FDX1: variants seen among roughly 807,000 people sequenced by gnomAD.
FDX1 encodes adrenodoxin, mitochondrial.
A neutral mutation model predicts 14.9 loss-of-function variants in FDX1; 9 were observed. The ratio of observed to expected loss-of-function variants is 0.60; its 90% CI spans 0.36 to 1.05. The LOEUF (loss-of-function observed/expected upper bound fraction) is 1.05. Among genes scored for constraint, FDX1 ranks in the 50% least tolerant of loss-of-function variants. The probability of loss-of-function intolerance (pLI) is 0.01; values close to 1 mark genes in which losing one functional copy is unlikely to be tolerated. For synonymous variants in FDX1, 92 were observed against 99.4 expected, an observed-to-expected ratio of 0.93 and a Z score of 0.44; for missense variants, 204 against 237.2, an observed-to-expected ratio of 0.86 and a Z score of 0.92.
chr11:110,438,055 A>G (rs1946382245), intron 2 of FDX1, among the ~76,000 whole-genome samples: 1 of 152,204 alleles, frequency 6.6e-6, no homozygotes, highest in Non-Finnish European at 1.5e-5. Flanking sequence ...GACTGATTCC[A>G]TATGTTTGCT....
At position 110,446,791 on chromosome 11, in the gene FDX1, G is replaced by A. The variant is rs201392304; in HGVS notation, c.311-10127G>A. Among the ~76,000 whole-genome samples, 16 of 152,344 alleles carry A rather than the reference G, an allele frequency of 1.1e-4. No homozygotes were observed. The East Asian group carries it at 2.9e-3, about 28-fold the overall frequency. ...ACGAGGGGCTGGCCAGCCACTGGGC[G>A]CCTGGAGCTGTGCTAACCTGCTTCT... On this transcript the variant is annotated intron_variant, in intron 2 of 3. Transcript: ENST00000260270.
At chr11:110,433,426 AT>A (rs916632629) in intron 1 of FDX1, among the ~76,000 whole-genome samples, 2 of 152,072 alleles carry the variant, frequency 1.3e-5, no homozygotes, top group African/African-American at 4.8e-5. Context: ...TGAGCTGGAA[AT>A]CCCAATGTTT....
At chr11:110,436,943 C>T (rs1946373811) in intron 2 of FDX1, among the ~76,000 whole-genome samples, 1 of 152,090 alleles carries the variant, frequency 6.6e-6, no homozygotes, top group South Asian at 2.1e-4. Flanking sequence ...ACCTGAGTCA[C>T]CTCATGGAGT....
chr11:110,437,078 C>T (rs567494028), intron 2 of FDX1, among the ~76,000 whole-genome samples: 7 of 152,182 alleles, frequency 4.6e-5, no homozygotes, highest in Non-Finnish European at 1.0e-4. Flanking sequence ...TCACTGCAGC[C>T]TCGACCTCCT....
rs1376598972 is a variant in FDX1 at position 110,463,677 on chromosome 11, A to G, written c.*1209A>G. On this transcript the variant is annotated 3_prime_UTR_variant, in exon 4 of 4. Coordinates refer to ENST00000260270, the MANE Select transcript of FDX1 (RefSeq NM_004109.5). ...TCTAGTACAATGCTTGACATACAGCATTGTGTTATGCCCATTGGGGACACA... is the reference window on the plus strand; with the variant it reads ...TCTAGTACAATGCTTGACATACAGCGTTGTGTTATGCCCATTGGGGACACA... The G allele has an allele frequency of 2.0e-5, 3 of 152,176 alleles. No individual in the cohort carries two copies. The highest frequency in any genetic ancestry group is 4.4e-5 in the Non-Finnish European group (3 of 68,044). 9.4% of individuals were successfully genotyped at this position (152,176 alleles called of 1,614,324 possible).
chr11:110,452,376 C>G (rs1300110390), intron 2 of FDX1, among the ~76,000 whole-genome samples: 1 of 152,012 alleles, frequency 6.6e-6, no homozygotes, highest in Non-Finnish European at 1.5e-5. Flanking sequence ...ATGTAAAAAG[C>G]TCTCCAAACT....
intron 3 of FDX1, among the ~76,000 whole-genome samples, chr11:110,460,216 A>AT (rs45623036): frequency 2.0e-4 from 30 of 151,946 alleles, no homozygotes; most frequent in Non-Finnish European, 3.7e-4. Flanking sequence ...GATAGAGGGG[A>AT]TTTTTTTTCT....
intron 2 of FDX1, among the ~76,000 whole-genome samples, chr11:110,437,714 T>C (rs1360847662): frequency 2.0e-5 from 3 of 152,210 alleles, no homozygotes; most frequent in Non-Finnish European, 4.4e-5. Context: ...CATGTGATGC[T>C]GAAGTCTGGA....
At chr11:110,444,723 C>CGTATATATATATATATACGT (rs1946436034) in intron 2 of FDX1, among the ~76,000 whole-genome samples, 2 of 23,918 alleles carry the variant, frequency 8.4e-5, no homozygotes, top group African/African-American at 2.6e-4. Flanking sequence ...TATATATATA[C>CGTATATATATATATATACGT]GTATATATAT....
chr11:110,444,670 A>ATATATACG (rs1946429123), intron 2 of FDX1, among the ~76,000 whole-genome samples: 1 of 71,406 alleles, frequency 1.4e-5, no homozygotes, highest in African/African-American at 6.5e-5. Context: ...ATATACGTAT[A>ATATATACG]TATATATATA....
At chr11:110,462,308 T>TAC in intron 3 of FDX1, 46 bp from the exon 4 acceptor site, 2 of 1,060,832 alleles carry the variant, frequency 1.9e-6, no homozygotes, top group East Asian at 2.4e-5. Flanking sequence ...GCCTTGTGAA[T>TAC]ATATATACGT....
chr11:110,455,972 AT>A (rs1219798268), intron 2 of FDX1, among the ~76,000 whole-genome samples: 3 of 152,172 alleles, frequency 2.0e-5, no homozygotes, highest in African/African-American at 7.2e-5. Flanking sequence ...TACAGAGCAG[AT>A]TCGTCCTGGT....
chr11:110,458,908 A>G lies in FDX1; in HGVS notation c.440+1861A>G, dbSNP rs755869719. On this transcript the variant is annotated intron_variant, in intron 3 of 3. Transcript: ENST00000260270. ...GCGTGAGCCACCGTGCCTGGCTTCA[A>G]TGTTTTATTGGTTGTCCTTAACCTT... is the stretch of plus-strand genomic sequence containing the variant. 1.1e-4 allele frequency among the ~76,000 whole-genome samples: 17 copies of G among 152,092 alleles called. 1 individual carries two copies. The highest frequency in any genetic ancestry group is 2.2e-4 in the Non-Finnish European group (15 of 68,000).
intron 1 of FDX1, among the ~76,000 whole-genome samples, chr11:110,433,683 T>C (rs775269040): frequency 8.5e-5 from 13 of 152,330 alleles, no homozygotes; most frequent in Admixed American, 4.6e-4. Flanking sequence ...TAAAGCATGT[T>C]TTGGCTGTGA....
chr11:110,441,908 G>A (rs1946406722), intron 2 of FDX1, among the ~76,000 whole-genome samples: 2 of 152,162 alleles, frequency 1.3e-5, no homozygotes, highest in African/African-American at 4.8e-5. Context: ...TGGTTTTGTG[G>A]GCTGGGCCCA....
At chr11:110,431,602 G>T (rs1449255827) in intron 1 of FDX1, among the ~76,000 whole-genome samples, 1 of 152,210 alleles carries the variant, frequency 6.6e-6, no homozygotes, top group Non-Finnish European at 1.5e-5. Flanking sequence ...TTTGACCAGT[G>T]TGGGTACCTT....
At chr11:110,434,733 T>TTTG (rs1946357260) in intron 1 of FDX1, among the ~76,000 whole-genome samples, 3 of 81,860 alleles carry the variant, frequency 3.7e-5, no homozygotes, top group African/African-American at 1.7e-4. Context: ...TTGTTTTTTT[T>TTTG]TTTTTTTTTT....
chr11:110,440,287 AGTTT>A (rs1383060330), intron 2 of FDX1, among the ~76,000 whole-genome samples: 52 of 151,714 alleles, frequency 3.4e-4, no homozygotes, highest in Non-Finnish European at 8.8e-5. Context: ...TTCTGCTTTG[AGTTT>A]GTTATTTCTT....
intron 2 of FDX1, among the ~76,000 whole-genome samples, chr11:110,454,258 A>G (rs545912699): frequency 6.6e-6 from 1 of 152,350 alleles, no homozygotes; most frequent in South Asian, 2.1e-4. Flanking sequence ...GAATAGAATA[A>G]TACCTTTAAG....
Sources: gnomAD v4.1 joint callset for allele counts (sites outside exome capture counted in the v4.1 genomes callset) on GRCh38, gnomAD v4.1.1 for gene constraint, MANE v1.5 for transcripts, NCBI Gene and HGNC (gene_info 2026-07-23, HGNC 2026-07-21) for gene names.